The following GRAMD1C variants were observed in gnomAD, a reference collection of about 807,000 sequenced individuals.
GRAMD1C encodes protein Aster-C.
GRAMD1C carries 89 observed loss-of-function variants against 97.8 expected under a neutral mutation model. The observed-to-expected ratio is 0.91, with a 90% CI of 0.77 to 1.09. The LOEUF (loss-of-function observed/expected upper bound fraction) is 1.09, where lower values mean the gene tolerates loss of function less well. GRAMD1C is among the 50% of genes least tolerant of loss of function. GRAMD1C has a pLI of 0.00. For synonymous variants in GRAMD1C, 256 were observed against 267.0 expected (o/e 0.96, Z 0.40); for missense variants, 740 against 766.4 (o/e 0.97, Z 0.41).
In GRAMD1C at chr3:113,915,721, C is replaced by G. The variant is rs199895173; in HGVS notation, c.973C>G (p.Leu325Val). The G allele has an allele frequency of 6.2e-7, 1 of 1,608,746 alleles. No individual in the cohort carries two copies. The highest frequency in any genetic ancestry group is 2.2e-5 in the East Asian group (1 of 44,726). The change falls in exon 10 of 18, where the codon CTT becomes GTT. Residue 325 changes from leucine to valine, a missense_variant. Coordinates refer to ENST00000358160, the MANE Select transcript of GRAMD1C (RefSeq NM_017577.5). ...VDEENVPEKDLHGRLFINRIF... is the reference protein window; with the variant it reads ...VDEENVPEKDVHGRLFINRIF... ...TCCAGAAAATGTTCCTGAGAAAGAT[C>G]TTCATGGAAGACTTTTTATCAACCG...
intron 2 of GRAMD1C, among the ~76,000 whole-genome samples, chr3:113,847,541 A>C (rs1173259437): frequency 6.6e-6 from 1 of 152,216 alleles, no homozygotes; most frequent in Non-Finnish European, 1.5e-5. Context: ...AAAATAAATA[A>C]TTCATTTTTT....
chr3:113,839,619 T>C (rs1168916245), intron 1 of GRAMD1C, among the ~76,000 whole-genome samples: 2 of 152,212 alleles, frequency 1.3e-5, no homozygotes, highest in African/African-American at 4.8e-5. Context: ...ATGAGTGTTA[T>C]TTCACTTGAT....
chr3:113,885,841 T>G (rs1286673460), intron 6 of GRAMD1C: 3 of 1,611,716 alleles, frequency 1.9e-6, no homozygotes, highest in African/African-American at 2.7e-5. Flanking sequence ...CTCTCCAGCA[T>G]TGTGATCCTG....
At chr3:113,840,549 T>C (rs973667031) in intron 1 of GRAMD1C, among the ~76,000 whole-genome samples, 4 of 151,406 alleles carry the variant, frequency 2.6e-5, no homozygotes, top group African/African-American at 9.7e-5. Flanking sequence ...GAGACCAGCC[T>C]GGGCAACAAA....
intron 6 of GRAMD1C, among the ~76,000 whole-genome samples, chr3:113,900,548 A>G (rs1378900291): frequency 2.0e-5 from 3 of 149,630 alleles, no homozygotes; most frequent in Admixed American, 1.3e-4. Flanking sequence ...AGCCTCCTGA[A>G]TAGCTGGGAC....
chr3:113,925,997 G>A (rs1013449156), intron 10 of GRAMD1C, among the ~76,000 whole-genome samples: 1 of 152,040 alleles, frequency 6.6e-6, no homozygotes, highest in African/African-American at 2.4e-5. Context: ...TTTGTTTCAC[G>A]TTGACCTTGG....
chr3:113,947,059 G>C lies in GRAMD1C; in HGVS notation c.*1581G>C, dbSNP rs1204887958. ...ATTTTATAACATACTTCAAGGAAGA[G>C]TATCGAAGTAAGTTGCTTTATAAAT... On this transcript the variant is annotated 3_prime_UTR_variant, in exon 18 of 18. Coordinates refer to ENST00000358160, the MANE Select transcript of GRAMD1C (RefSeq NM_017577.5). The C allele has an allele frequency of 6.6e-6, 1 of 152,210 alleles. No individual in the cohort carries two copies. Among genetic ancestry groups the C allele is most frequent in the Non-Finnish European group, 1.5e-5 (1 of 68,040 alleles). 9.4% of individuals were successfully genotyped at this position (152,210 alleles called of 1,614,324 possible).
chr3:113,910,409 A>C (rs1577193930), intron 9 of GRAMD1C, among the ~76,000 whole-genome samples: 1 of 152,134 alleles, frequency 6.6e-6, no homozygotes, highest in East Asian at 1.9e-4. Context: ...CAGAAAACTT[A>C]CTTGGTTTTA....
At chr3:113,903,762 C>A (rs1000713102) in intron 7 of GRAMD1C, among the ~76,000 whole-genome samples, 1 of 151,654 alleles carries the variant, frequency 6.6e-6, no homozygotes, top group Admixed American at 6.6e-5. Context: ...TATAAAACTG[C>A]CTTCTTGTGC....
chr3:113,900,263 G>T (rs1936114819), intron 6 of GRAMD1C, among the ~76,000 whole-genome samples: 1 of 151,384 alleles, frequency 6.6e-6, no homozygotes, highest in Admixed American at 6.6e-5. Context: ...GGAGGCTGAG[G>T]TAGGAGAATC....
At chr3:113,861,250 AGGTTTAAATCTTCATGAACTTT>A (rs1934364393) in intron 2 of GRAMD1C, among the ~76,000 whole-genome samples, 2 of 152,324 alleles carry the variant, frequency 1.3e-5, no homozygotes, top group South Asian at 4.1e-4. Context: ...AAGAAAACAT[AGGTTTAAATCTTCATGAACTTT>A]GGATTAGGCA....
At chr3:113,912,873 T>C (rs1019334552) in intron 9 of GRAMD1C, among the ~76,000 whole-genome samples, 4 of 152,106 alleles carry the variant, frequency 2.6e-5, no homozygotes, top group African/African-American at 9.7e-5. Flanking sequence ...GCAAAAAATA[T>C]AATAAAAGTA....
At chr3:113,931,158 T>G (rs959010849) in intron 11 of GRAMD1C, among the ~76,000 whole-genome samples, 3 of 152,116 alleles carry the variant, frequency 2.0e-5, no homozygotes, top group Admixed American at 1.3e-4. Flanking sequence ...TAAAGAGATA[T>G]AGTGAAGTAT....
At position 113,860,967 on chromosome 3, in the gene GRAMD1C, T is replaced by TA. The variant is rs56315203; in HGVS notation, c.175-8525dup. ...GGGCAACAAGAACGAAACTCCAACT[T>TA]AAAAAAAAAAAAAAAGAAAACAGAA... On this transcript the variant is annotated intron_variant, in intron 2 of 17. Transcript: ENST00000358160. Among the ~76,000 whole-genome samples the TA allele has an allele frequency of 4.1e-3, 561 of 138,508 alleles. 4 individuals carry two copies. Among genetic ancestry groups the TA allele is most frequent in the African/African-American group, 0.014 (502 of 37,164 alleles). 90.9% of individuals were successfully genotyped at this position (138,508 alleles called of 152,430 possible).
At chr3:113,928,331 C>T (rs1015392354) in intron 10 of GRAMD1C, among the ~76,000 whole-genome samples, 5 of 152,136 alleles carry the variant, frequency 3.3e-5, no homozygotes, top group African/African-American at 4.8e-5. Context: ...CCGACACTAC[C>T]TTTAATTAAA....
At chr3:113,831,450 T>G (rs950320220) in intron 1 of GRAMD1C, among the ~76,000 whole-genome samples, 6 of 152,150 alleles carry the variant, frequency 3.9e-5, no homozygotes, top group African/African-American at 1.4e-4. Context: ...ACAAAATTTT[T>G]TGTAGATCTT....
At chr3:113,896,501 C>A (rs1008624059) in intron 6 of GRAMD1C, among the ~76,000 whole-genome samples, 1 of 152,080 alleles carries the variant, frequency 6.6e-6, no homozygotes, top group African/African-American at 2.4e-5. Flanking sequence ...TTATATTTAG[C>A]AAAAATGTGT....
intron 6 of GRAMD1C, chr3:113,885,253 T>A: frequency 1.7e-6 from 2 of 1,192,474 alleles, no homozygotes; most frequent in Non-Finnish European, 2.4e-6. Context: ...CTGGCGGAGC[T>A]GGGCCGTGGG....
At chr3:113,831,762 CTA>C (rs76190272) in intron 1 of GRAMD1C, among the ~76,000 whole-genome samples, 33,788 of 151,920 alleles carry the variant, frequency 0.22, 3,972 homozygotes, top group Admixed American at 0.3. Context: ...TCCAGAGTTT[CTA>C]TGTGGTTCCT....
Sources: gnomAD v4.1 joint callset for allele counts (sites outside exome capture counted in the v4.1 genomes callset) on GRCh38, gnomAD v4.1.1 for gene constraint, MANE v1.5 for transcripts, NCBI Gene and HGNC (gene_info 2026-07-23, HGNC 2026-07-21) for gene names.